SRPK2: variants seen among roughly 807,000 people sequenced by gnomAD.
The protein encoded by SRPK2 is SRSF protein kinase 2, also known as SFRS protein kinase 2.
A neutral mutation model predicts 90.8 loss-of-function variants in SRPK2; 21 were observed. That is an observed-to-expected ratio of 0.23 (90% CI 0.16 to 0.33). The LOEUF (loss-of-function observed/expected upper bound fraction) is 0.33, where lower values mean the gene tolerates loss of function less well. SRPK2 is among the 10% of genes least tolerant of loss of function. The pLI, the probability that SRPK2 is intolerant of heterozygous loss-of-function variation, is 1.00. For missense variants in SRPK2, 620 were observed against 869.0 expected (o/e 0.71, Z 3.60); for synonymous variants, 288 against 311.1 (o/e 0.93, Z 0.78).
At chr7:105,203,155 A>AT (rs1436594691) in intron 3 of SRPK2, among the ~76,000 whole-genome samples, 2 of 151,862 alleles carry the variant, frequency 1.3e-5, no homozygotes, top group African/African-American at 4.8e-5. Context: ...TGCCCAGCTA[A>AT]TTTTTTGCAC....
chr7:105,219,784 A>G (rs1797881120), intron 2 of SRPK2, among the ~76,000 whole-genome samples: 1 of 152,234 alleles, frequency 6.6e-6, no homozygotes, highest in Non-Finnish European at 1.5e-5. Flanking sequence ...TGTTACTCAA[A>G]TTTGCAGTAT....
chr7:105,144,033 C>T (rs1804178972), intron 9 of SRPK2: 2 of 152,256 alleles, frequency 1.3e-5, no homozygotes, highest in African/African-American at 4.8e-5. Context: ...CCAGAACTTA[C>T]ATTCCAAATC....
intron 6 of SRPK2, among the ~76,000 whole-genome samples, chr7:105,162,500 A>C (rs758376184): frequency 7.9e-5 from 12 of 152,210 alleles, no homozygotes; most frequent in Non-Finnish European, 1.6e-4. Flanking sequence ...ATTTGACTTT[A>C]GAATCAAAAA....
At chr7:105,292,630 C>A (rs986862055) in intron 2 of SRPK2, among the ~76,000 whole-genome samples, 7 of 152,060 alleles carry the variant, frequency 4.6e-5, no homozygotes, top group Non-Finnish European at 1.0e-4. Flanking sequence ...TACTTCTGCA[C>A]CAATGGTGCC....
chr7:105,179,236 T>C (rs1328680316), intron 3 of SRPK2, among the ~76,000 whole-genome samples: 3 of 152,176 alleles, frequency 2.0e-5, no homozygotes, highest in Non-Finnish European at 4.4e-5. Flanking sequence ...AGCATTGGCA[T>C]TTACTACTAT....
intron 2 of SRPK2, among the ~76,000 whole-genome samples, chr7:105,308,971 C>T (rs1811423934): frequency 6.6e-6 from 1 of 152,064 alleles, no homozygotes. Flanking sequence ...CTGCTTAGGG[C>T]CCTTCAGTGC....
chr7:105,339,200 T>C (rs572288629), intron 2 of SRPK2, among the ~76,000 whole-genome samples: 3 of 152,202 alleles, frequency 2.0e-5, no homozygotes, highest in Non-Finnish European at 4.4e-5. Flanking sequence ...TATGTATAAT[T>C]CTGAAACATC....
chr7:105,174,716 C>G (rs1226719495), intron 3 of SRPK2, among the ~76,000 whole-genome samples: 1 of 152,160 alleles, frequency 6.6e-6, no homozygotes, highest in Admixed American at 6.5e-5. Flanking sequence ...AAGATTTGAA[C>G]ACACTATCAA....
At chr7:105,297,526 G>C in intron 2 of SRPK2, 1 of 984,530 alleles carries the variant, frequency 1.0e-6, no homozygotes, top group Non-Finnish European at 1.2e-6. Context: ...CGCCTTGGTT[G>C]TTCACTCCTA....
intron 2 of SRPK2, chr7:105,206,004 T>C (rs772131193): frequency 1.9e-6 from 1 of 518,930 alleles, no homozygotes; most frequent in African/African-American, 1.9e-5. Flanking sequence ...GCTCTTGTGC[T>C]GCCAGTGCAC....
At chr7:105,242,514 A>C (rs1661912708) in intron 2 of SRPK2, among the ~76,000 whole-genome samples, 1 of 152,114 alleles carries the variant, frequency 6.6e-6, no homozygotes, top group South Asian at 2.1e-4. Flanking sequence ...CCATCTCAAT[A>C]AATAAATAAA....
rs553123574 is a variant in SRPK2 at position 105,242,712 on chromosome 7, T to A, written c.72-38927A>T. On this transcript the variant is annotated intron_variant, in intron 2 of 15. Transcript: ENST00000393651. The stretch of plus-strand genomic sequence containing the variant: ...AGAGTTTATTCTTGCCAACCTGAAA[T>A]GAATCACCTATTTTTACCTCATCTG... 3.9e-5 allele frequency among the ~76,000 whole-genome samples: 6 copies of A among 152,200 alleles called. No individual in the cohort carries two copies. In the East Asian group the frequency reaches 1.2e-3, roughly 29 times the overall value.
intron 11 of SRPK2, among the ~76,000 whole-genome samples, chr7:105,133,630 C>G (rs770684525): frequency 1.1e-4 from 17 of 152,208 alleles, no homozygotes; most frequent in Non-Finnish European, 2.4e-4. Flanking sequence ...GTTCCCACTG[C>G]TTGGGCTGAG....
intron 3 of SRPK2, among the ~76,000 whole-genome samples, chr7:105,202,247 T>A (rs1325687027): frequency 6.6e-6 from 1 of 152,220 alleles, no homozygotes; most frequent in Non-Finnish European, 1.5e-5. Context: ...TGTACACTGT[T>A]TCTGAACCAA....
intron 15 of SRPK2, chr7:105,125,653 G>C: frequency 2.8e-6 from 1 of 362,576 alleles, no homozygotes; most frequent in Non-Finnish European, 5.1e-6. Context: ...TATTTCTTGA[G>C]AGCTTTCTTC....
rs1804953695 is a variant in SRPK2 at position 105,265,620 on chromosome 7, C to CGAGAA, written c.72-61836_72-61835insTTCTC. 4.5e-4 allele frequency among the ~76,000 whole-genome samples: 68 copies of CGAGAA among 152,086 alleles called. 1 individual carries two copies. Among genetic ancestry groups the CGAGAA allele is most frequent in the Admixed American group, 4.5e-3 (68 of 15,266 alleles). Reference sequence around the variant, plus strand: ...AAATGAAGAAACGAGAACTTGAAAACCTAGTTTTTTTAATCAGATATTCAC... The same window carrying CGAGAA: ...AAATGAAGAAACGAGAACTTGAAAACGAGAACTAGTTTTTTTAATCAGATATTCAC... On this transcript the variant is annotated intron_variant, in intron 2 of 15. Transcript: ENST00000393651.
intron 3 of SRPK2, among the ~76,000 whole-genome samples, chr7:105,196,627 C>A (rs1427346012): frequency 2.6e-5 from 4 of 152,194 alleles, no homozygotes; most frequent in Non-Finnish European, 4.4e-5. Flanking sequence ...CCGCACCCAG[C>A]GAAGAACCTC....
chr7:105,355,831 T>C (rs1044632909), intron 2 of SRPK2, among the ~76,000 whole-genome samples: 1 of 151,904 alleles, frequency 6.6e-6, no homozygotes, highest in Non-Finnish European at 1.5e-5. Context: ...GCAGATCCCT[T>C]GAGGTCAGGA....
intron 2 of SRPK2, among the ~76,000 whole-genome samples, chr7:105,258,225 T>C (rs1189237389): frequency 6.6e-6 from 1 of 150,568 alleles, no homozygotes. Context: ...TACACCAGCC[T>C]GACCAATATG....
Sources: gnomAD v4.1 joint callset for allele counts (sites outside exome capture counted in the v4.1 genomes callset) on GRCh38, gnomAD v4.1.1 for gene constraint, MANE v1.5 for transcripts, NCBI Gene and HGNC (gene_info 2026-07-23, HGNC 2026-07-21) for gene names.